Variants in FRMD4B observed in about 807,000 individuals in gnomAD.
FRMD4B encodes FERM domain-containing protein 4B.
In FRMD4B, 74 loss-of-function variants were observed where a neutral mutation model predicts 141.5. That is an observed-to-expected ratio of 0.52 (90% CI 0.43 to 0.63). The LOEUF is 0.63. FRMD4B is among the 30% of genes least tolerant of loss of function. FRMD4B has a pLI of 0.00. For synonymous variants in FRMD4B, 506 were observed against 467.9 expected, an observed-to-expected ratio of 1.08 and a Z score of -1.05; for missense variants, 1,366 against 1,253.4, an observed-to-expected ratio of 1.09 and a Z score of -1.36.
chr3:69,416,399 G>C (rs952149001), intron 2 of FRMD4B, among the ~76,000 whole-genome samples: 4 of 152,158 alleles, frequency 2.6e-5, no homozygotes, highest in Non-Finnish European at 5.9e-5. Context: ...TCTCACTTTG[G>C]CCTCCAAAGT....
In FRMD4B at chr3:69,493,186, A is replaced by G. The variant is rs574383052; in HGVS notation, c.-129+49020T>C. On this transcript the variant is annotated intron_variant, in intron 1 of 5. Coordinates refer to the FRMD4B transcript ENST00000459638. ...CCAGTTTAACATTTAGAAAAAGGGA[A>G]CTATTGGCCAAATAAACTTGTCAAT... Among the ~76,000 whole-genome samples the G allele has an allele frequency of 6.6e-4, 101 of 152,350 alleles. No homozygotes were observed. The South Asian group carries it at 9.7e-3, about 15-fold the overall frequency.
intron 4 of FRMD4B, among the ~76,000 whole-genome samples, chr3:69,290,034 A>G (rs1010476566): frequency 2.0e-5 from 3 of 152,070 alleles, no homozygotes; most frequent in African/African-American, 7.2e-5. Context: ...CTTGTCCCAA[A>G]TAAGCTTTTT....
chr3:69,248,885 C>T (rs533059637), intron 7 of FRMD4B, among the ~76,000 whole-genome samples: 3 of 152,136 alleles, frequency 2.0e-5, no homozygotes, highest in East Asian at 1.9e-4. Context: ...TATAACTCTT[C>T]GAACACAAGA....
chr3:69,302,945 G>A (rs1701264640), intron 3 of FRMD4B, among the ~76,000 whole-genome samples: 2 of 152,104 alleles, frequency 1.3e-5, no homozygotes, highest in East Asian at 1.9e-4. Context: ...ATGGTGGCAC[G>A]TGCCTGTAAT....
In FRMD4B at chr3:69,277,202, A is replaced by C. The variant is rs555298684; in HGVS notation, c.501+10550T>G. 3.3e-5 allele frequency among the ~76,000 whole-genome samples: 5 copies of C among 152,254 alleles called. No individual in the cohort carries two copies. The South Asian group carries it at 1.0e-3, about 32-fold the overall frequency. The stretch of plus-strand genomic sequence containing the variant: ...TACAAAGACATGAGTACTTACTAGA[A>C]CAGAAAAGGGAGCCCCATGAAGCCT... On this transcript the variant is annotated intron_variant, in intron 5 of 22. Transcript: ENST00000398540.
intron 1 of FRMD4B, among the ~76,000 whole-genome samples, chr3:69,491,989 A>AC (rs900483339): frequency 6.6e-6 from 1 of 152,144 alleles, no homozygotes; most frequent in African/African-American, 2.4e-5. Context: ...CCTCCGCCGT[A>AC]CCCCCGCAAG....
intron 13 of FRMD4B, 159 bp downstream of exon 13, chr3:69,196,741 A>G: frequency 1.6e-6 from 1 of 623,112 alleles, no homozygotes. Context: ...ATTGCCCATC[A>G]TGTAAACATA....
chr3:69,537,964 G>A (rs1375262133), intron 1 of FRMD4B, among the ~76,000 whole-genome samples: 2 of 152,186 alleles, frequency 1.3e-5, no homozygotes, highest in Non-Finnish European at 1.5e-5. Context: ...CCATTGCTGG[G>A]GCAAAGCCCT....
chr3:69,429,919 C>T (rs1380172101), intron 2 of FRMD4B, among the ~76,000 whole-genome samples: 2 of 152,116 alleles, frequency 1.3e-5, no homozygotes, highest in African/African-American at 4.8e-5. Flanking sequence ...ACCACCACGT[C>T]TGGCTAATTT....
intron 7 of FRMD4B, among the ~76,000 whole-genome samples, chr3:69,233,590 T>C (rs2093325765): frequency 6.6e-6 from 1 of 152,046 alleles, no homozygotes; most frequent in Non-Finnish European, 1.5e-5. Context: ...GATGTAAAAA[T>C]GCCATAGTTA....
intron 1 of FRMD4B, among the ~76,000 whole-genome samples, chr3:69,442,847 C>T (rs1705361222): frequency 6.6e-6 from 1 of 152,178 alleles, no homozygotes; most frequent in Non-Finnish European, 1.5e-5. Flanking sequence ...CTCTGAGTGG[C>T]TTTGGGCCAG....
At chr3:69,225,894 C>T (rs2093249656) in intron 7 of FRMD4B, among the ~76,000 whole-genome samples, 1 of 152,018 alleles carries the variant, frequency 6.6e-6, no homozygotes, top group African/African-American at 2.4e-5. Context: ...CATCAAACAG[C>T]ATAATGCTAA....
intron 11 of FRMD4B, among the ~76,000 whole-genome samples, chr3:69,203,840 G>C (rs529980652): frequency 1.3e-5 from 2 of 152,298 alleles, no homozygotes; most frequent in East Asian, 3.9e-4. Flanking sequence ...TTATCACATG[G>C]AGGGCAGTCA....
At chr3:69,403,115 C>A (rs1704594494) in intron 2 of FRMD4B, among the ~76,000 whole-genome samples, 1 of 152,168 alleles carries the variant, frequency 6.6e-6, no homozygotes, top group African/African-American at 2.4e-5. Context: ...TAAATCAGAT[C>A]CCCTCTACTT....
intron 11 of FRMD4B, among the ~76,000 whole-genome samples, chr3:69,207,861 GC>G (rs1233825421): frequency 1.6e-4 from 24 of 152,046 alleles, no homozygotes; most frequent in Non-Finnish European, 2.9e-4. Flanking sequence ...CTGTCTGGCA[GC>G]CACTTCCTTT....
At chr3:69,369,336 A>C (rs1703760788) in intron 1 of FRMD4B, among the ~76,000 whole-genome samples, 1 of 152,200 alleles carries the variant, frequency 6.6e-6, no homozygotes, top group Non-Finnish European at 1.5e-5. Context: ...TAGCTCAGAG[A>C]AAAAACAAAG....
Position 69,187,877 on chromosome 3 carries a change from T to C in FRMD4B, c.1812A>G (p.Ser604=), listed in dbSNP as rs762236778. 6.2e-7 allele frequency: 1 copy of C among 1,606,834 alleles called. No homozygotes were observed. The highest frequency in any genetic ancestry group is 8.5e-7 in the Non-Finnish European group (1 of 1,175,810). ...GAAGAATTCTTGGAGAATGAGGTAC[T>C]GAACTTGATCGCTGCCCAGGAAAAG... is the stretch of plus-strand genomic sequence containing the variant. ...AFTFPGQRSS[S]VPHSPRILPP... Residue 604 remains serine (S), a synonymous_variant, in exon 19 of 23, where the codon TCA becomes TCG. Coordinates refer to ENST00000398540, the MANE Select transcript of FRMD4B (RefSeq NM_015123.3).
At chr3:69,441,229 AT>A (rs1705336576) in intron 1 of FRMD4B, among the ~76,000 whole-genome samples, 1 of 152,210 alleles carries the variant, frequency 6.6e-6, no homozygotes, top group Non-Finnish European at 1.5e-5. Context: ...TCTGTTAGTC[AT>A]TAAGCTTTAG....
chr3:69,384,547 A>C (rs1276432758), intron 1 of FRMD4B, among the ~76,000 whole-genome samples: 1 of 152,258 alleles, frequency 6.6e-6, no homozygotes, highest in East Asian at 1.9e-4. Context: ...GAGCTATGTA[A>C]TGTGGCCAGA....
Sources: gnomAD v4.1 joint callset for allele counts (sites outside exome capture counted in the v4.1 genomes callset) on GRCh38, gnomAD v4.1.1 for gene constraint, MANE v1.5 for transcripts, NCBI Gene and HGNC (gene_info 2026-07-23, HGNC 2026-07-21) for gene names.